Variants in ARMC2 observed in about 807,000 individuals in gnomAD.
The protein encoded by ARMC2 is armadillo repeat-containing protein 2.
In ARMC2, 67 loss-of-function variants were observed where a neutral mutation model predicts 90.3. The observed-to-expected ratio is 0.74, with a 90% CI of 0.61 to 0.91. The LOEUF (loss-of-function observed/expected upper bound fraction) is 0.91, where lower values mean the gene tolerates loss of function less well. Among genes scored for constraint, ARMC2 ranks in the 40% least tolerant of loss-of-function variants. ARMC2 has a pLI of 0.00. For synonymous variants in ARMC2, 393 were observed against 393.0 expected (o/e 1.00, Z 0.00); for missense variants, 920 against 1,030.9 (o/e 0.89, Z 1.47).
chr6:108,928,500 G>A (rs1045719416), intron 11 of ARMC2, among the ~76,000 whole-genome samples: 8 of 152,142 alleles, frequency 5.3e-5, no homozygotes, highest in Middle Eastern at 6.3e-3. Flanking sequence ...ACGTGTGTGT[G>A]TTTAATCTTC....
chr6:108,943,075 C>T (rs960544094), intron 12 of ARMC2, among the ~76,000 whole-genome samples: 1 of 152,148 alleles, frequency 6.6e-6, no homozygotes, highest in African/African-American at 2.4e-5. Flanking sequence ...GCACCAGGGC[C>T]GTTTGCTGTT....
At chr6:108,980,315 C>T in the ARMC2 span, among the ~76,000 whole-genome samples, 10 of 152,286 alleles carry the variant, frequency 6.6e-5, no homozygotes, top group African/African-American at 2.2e-4. Flanking sequence ...GTGTCATCAG[C>T]GGAGGCTGCA....
At chr6:108,951,213 G>C (rs1777154358) in intron 12 of ARMC2, among the ~76,000 whole-genome samples, 1 of 152,050 alleles carries the variant, frequency 6.6e-6, no homozygotes, top group Non-Finnish European at 1.5e-5. Context: ...TTCTTCCTTT[G>C]CCGTTTTAGT....
the ARMC2 span, among the ~76,000 whole-genome samples, chr6:109,040,548 C>T: frequency 6.6e-6 from 1 of 151,986 alleles, no homozygotes; most frequent in African/African-American, 2.4e-5. Context: ...CATCAGGTGT[C>T]CCACTACAAT....
chr6:108,936,792 T>G (rs1775992193), intron 11 of ARMC2, 108 bp from the exon 12 acceptor site: 1 of 903,216 alleles, frequency 1.1e-6, no homozygotes, highest in Admixed American at 2.4e-5. Flanking sequence ...CTCCTTTTCT[T>G]GAACTGGGCA....
the ARMC2 span, chr6:108,992,671 C>T: frequency 2.9e-4 from 202 of 702,384 alleles, no homozygotes; most frequent in Non-Finnish European, 4.5e-4. Flanking sequence ...TGAAACAAGA[C>T]GAGATACTGC....
chr6:108,928,513 C>G (rs1425157710), intron 11 of ARMC2, among the ~76,000 whole-genome samples: 1 of 152,120 alleles, frequency 6.6e-6, no homozygotes, highest in African/African-American at 2.4e-5. Context: ...TAATCTTCCT[C>G]TCAGCTTATT....
intron 2 of ARMC2, among the ~76,000 whole-genome samples, chr6:108,856,221 A>T (rs969675183): frequency 1.3e-5 from 2 of 151,124 alleles, no homozygotes; most frequent in Non-Finnish European, 2.9e-5. Context: ...TTTTGAGTTA[A>T]TTTTTGTAAA....
intron 17 of ARMC2, among the ~76,000 whole-genome samples, chr6:108,971,410 C>T (rs906433615): frequency 6.6e-6 from 1 of 152,110 alleles, no homozygotes; most frequent in African/African-American, 2.4e-5. Flanking sequence ...TTGTGTCTGC[C>T]TGGAGCTTAT....
At chr6:109,032,115 C>CA in the ARMC2 span, among the ~76,000 whole-genome samples, 1 of 151,992 alleles carries the variant, frequency 6.6e-6, no homozygotes, top group African/African-American at 2.4e-5. Context: ...ACTAAAAATA[C>CA]AAAAAAATTA....
the ARMC2 span, chr6:109,009,495 G>C: frequency 8.2e-6 from 10 of 1,225,602 alleles, no homozygotes; most frequent in African/African-American, 1.6e-4. Context: ...GCGCGGAGGC[G>C]GCGAGCGCTG....
At chr6:108,967,248 G>T (rs186367858) in intron 17 of ARMC2, among the ~76,000 whole-genome samples, 15 of 152,322 alleles carry the variant, frequency 9.8e-5, no homozygotes, top group African/African-American at 3.4e-4. Context: ...GATATGATTG[G>T]CTCAGTGAGT....
intron 6 of ARMC2, among the ~76,000 whole-genome samples, chr6:108,898,858 C>T (rs758043418): frequency 7.2e-5 from 11 of 152,260 alleles, no homozygotes; most frequent in Non-Finnish European, 5.9e-5. Flanking sequence ...GGTTGCTATT[C>T]CCTACAACCC....
intron 15 of ARMC2, among the ~76,000 whole-genome samples, chr6:108,963,950 G>A (rs1376356587): frequency 6.6e-6 from 1 of 152,176 alleles, no homozygotes; most frequent in African/African-American, 2.4e-5. Flanking sequence ...CTGCTGCCTG[G>A]GTCAGGTTTT....
intron 3 of ARMC2, among the ~76,000 whole-genome samples, chr6:108,862,061 C>T (rs759232853): frequency 7.9e-5 from 12 of 152,140 alleles, no homozygotes; most frequent in South Asian, 6.2e-4. Context: ...TAAAAGTAGA[C>T]GGCTAGGCTC....
At chr6:109,003,247 C>G in the ARMC2 span, among the ~76,000 whole-genome samples, 5 of 151,338 alleles carry the variant, frequency 3.3e-5, no homozygotes, top group African/African-American at 1.2e-4. Flanking sequence ...TAAAGATTAA[C>G]CCCTTCACTC....
At chr6:108,862,505 G>A (rs560001935) in intron 3 of ARMC2, among the ~76,000 whole-genome samples, 17 of 152,140 alleles carry the variant, frequency 1.1e-4, no homozygotes, top group Non-Finnish European at 1.5e-4. Context: ...ATTTTAAATA[G>A]TAATTAAAAT....
chr6:108,983,653 A>G, the ARMC2 span, among the ~76,000 whole-genome samples: 3 of 152,128 alleles, frequency 2.0e-5, no homozygotes, highest in African/African-American at 7.2e-5. Context: ...TTGCTTTGCA[A>G]TATGTTTTGA....
chr6:109,011,570 T>C, the ARMC2 span, among the ~76,000 whole-genome samples: 4 of 152,038 alleles, frequency 2.6e-5, no homozygotes, highest in African/African-American at 7.2e-5. Context: ...ATAAAAAGGT[T>C]GCCTCCAAAT....
Sources: allele counts gnomAD v4.1 joint callset (sites outside exome capture counted in the v4.1 genomes callset), GRCh38; gene constraint gnomAD v4.1.1; transcripts MANE v1.5; gene names NCBI Gene and HGNC (gene_info 2026-07-23, HGNC 2026-07-21).